NBAS: variants seen among roughly 807,000 people sequenced by gnomAD.
NBAS encodes the protein NBAS subunit of NRZ tethering complex.
NBAS carries 219 observed loss-of-function variants against 302.5 expected under a neutral mutation model. The ratio of observed to expected loss-of-function variants is 0.72; its 90% CI spans 0.65 to 0.81. NBAS has a LOEUF of 0.81. Ranked by LOEUF, NBAS falls within the 30% of genes least tolerant of loss-of-function variation. The probability of loss-of-function intolerance (pLI) is 0.00; values close to 1 mark genes in which losing one functional copy is unlikely to be tolerated. For missense variants in NBAS, 2,932 were observed against 2,841.6 expected, an observed-to-expected ratio of 1.03 and a Z score of -0.72; for synonymous variants, 1,118 against 1,021.6, an observed-to-expected ratio of 1.09 and a Z score of -1.80.
At chr2:14,983,519 C>A in the NBAS span, among the ~76,000 whole-genome samples, 1 of 152,292 alleles carries the variant, frequency 6.6e-6, no homozygotes, top group Non-Finnish European at 1.5e-5. Flanking sequence ...ATAACTAAAA[C>A]AACTCCAGGC....
At chr2:15,449,677 C>T (rs1678915209) in intron 21 of NBAS, among the ~76,000 whole-genome samples, 2 of 152,074 alleles carry the variant, frequency 1.3e-5, no homozygotes, top group African/African-American at 2.4e-5. Context: ...AAACCAATTA[C>T]CCCTACCACC....
At chr2:15,161,704 C>T in the NBAS span, among the ~76,000 whole-genome samples, 3 of 152,176 alleles carry the variant, frequency 2.0e-5, no homozygotes, top group African/African-American at 7.2e-5. Context: ...TTGAGCTCCA[C>T]CCAGCCAGGG....
At chr2:15,446,963 CAAA>C (rs1324478746) in intron 21 of NBAS, among the ~76,000 whole-genome samples, 1 of 147,710 alleles carries the variant, frequency 6.8e-6, no homozygotes, top group Non-Finnish European at 1.5e-5. Context: ...ATATTCAAAT[CAAA>C]AGAAAACAGA....
At chr2:15,531,665 C>T (rs1483950552) in intron 9 of NBAS, among the ~76,000 whole-genome samples, 1 of 152,238 alleles carries the variant, frequency 6.6e-6, no homozygotes, top group Non-Finnish European at 1.5e-5. Flanking sequence ...TACTCTGTGT[C>T]ACTATCTGCT....
intron 38 of NBAS, among the ~76,000 whole-genome samples, chr2:15,314,719 T>C (rs1671429581): frequency 6.6e-6 from 1 of 152,144 alleles, no homozygotes; most frequent in African/African-American, 2.4e-5. Flanking sequence ...ACCAAAATAC[T>C]TGTATGAGAG....
At chr2:15,309,838 A>T (rs1671198848) in intron 38 of NBAS, among the ~76,000 whole-genome samples, 1 of 152,204 alleles carries the variant, frequency 6.6e-6, no homozygotes, top group South Asian at 2.1e-4. Flanking sequence ...TACACAAACC[A>T]CAACTTGCCA....
chr2:15,205,648 T>C (rs1422677474), intron 48 of NBAS, among the ~76,000 whole-genome samples: 1 of 152,114 alleles, frequency 6.6e-6, no homozygotes, highest in Non-Finnish European at 1.5e-5. Flanking sequence ...GCATCTCGAA[T>C]TATAATCCCC....
chr2:14,886,484 G>A, the NBAS span, among the ~76,000 whole-genome samples: 1 of 152,128 alleles, frequency 6.6e-6, no homozygotes, highest in Non-Finnish European at 1.5e-5. Flanking sequence ...TGATCTGTGG[G>A]TGTTTCTGTT....
At chr2:14,873,664 C>G in the NBAS span, among the ~76,000 whole-genome samples, 1 of 146,688 alleles carries the variant, frequency 6.8e-6, no homozygotes, top group Non-Finnish European at 1.5e-5. Context: ...ACAAATATAT[C>G]TGGAAGATTC....
the NBAS span, among the ~76,000 whole-genome samples, chr2:15,144,067 A>ATATATATAT: frequency 8.6e-6 from 1 of 115,820 alleles, no homozygotes; most frequent in East Asian, 4.0e-4. Flanking sequence ...ATATATATAT[A>ATATATATAT]TCTCCCATTA....
At chr2:15,065,273 G>T in the NBAS span, among the ~76,000 whole-genome samples, 1 of 152,022 alleles carries the variant, frequency 6.6e-6, no homozygotes, top group Non-Finnish European at 1.5e-5. Flanking sequence ...AGTCACATAT[G>T]AAAATCCCAG....
At chr2:15,392,394 C>T (rs572103659) in intron 28 of NBAS, among the ~76,000 whole-genome samples, 34 of 151,662 alleles carry the variant, frequency 2.2e-4, no homozygotes, top group Admixed American at 1.2e-3. Flanking sequence ...CAAAGAAAAA[C>T]TATTAGAGCT....
At chr2:14,986,980 C>T in the NBAS span, among the ~76,000 whole-genome samples, 40 of 151,938 alleles carry the variant, frequency 2.6e-4, no homozygotes, top group East Asian at 6.6e-3. Context: ...AGACAAAGTC[C>T]ATTAGTTTAT....
At chr2:15,151,718 A>T in the NBAS span, among the ~76,000 whole-genome samples, 2 of 152,304 alleles carry the variant, frequency 1.3e-5, no homozygotes, top group East Asian at 3.9e-4. Flanking sequence ...CTCATTTTCG[A>T]TATATTTGAT....
At chr2:14,943,340 A>G in the NBAS span, among the ~76,000 whole-genome samples, 10 of 152,214 alleles carry the variant, frequency 6.6e-5, no homozygotes, top group African/African-American at 2.2e-4. Context: ...TACCAATTTC[A>G]TGTATATTTT....
chr2:14,792,495 T>C, the NBAS span, among the ~76,000 whole-genome samples: 16 of 152,122 alleles, frequency 1.1e-4, no homozygotes. Context: ...TATTACATAT[T>C]GCTAGCCCAG....
intron 9 of NBAS, among the ~76,000 whole-genome samples, chr2:15,520,499 G>A (rs548310220): frequency 2.0e-4 from 31 of 152,138 alleles, no homozygotes; most frequent in Middle Eastern, 3.4e-3. Flanking sequence ...CAGACTGTTG[G>A]ATGACATAAA....
intron 35 of NBAS, among the ~76,000 whole-genome samples, chr2:15,333,218 G>C (rs1043939784): frequency 3.9e-5 from 6 of 152,130 alleles, no homozygotes; most frequent in Non-Finnish European, 8.8e-5. Context: ...TGGTGAAAAT[G>C]ATTTCAGGAA....
At chr2:15,140,054 C>G in the NBAS span, among the ~76,000 whole-genome samples, 1 of 152,296 alleles carries the variant, frequency 6.6e-6, no homozygotes, top group Non-Finnish European at 1.5e-5. Context: ...GGTGACACAA[C>G]TTCTGCCTAC....
Sources: gnomAD v4.1 joint callset for allele counts (sites outside exome capture counted in the v4.1 genomes callset) on GRCh38, gnomAD v4.1.1 for gene constraint, MANE v1.5 for transcripts, NCBI Gene and HGNC (gene_info 2026-07-23, HGNC 2026-07-21) for gene names.